The following MARK2 variants were observed in gnomAD, a reference collection of about 807,000 sequenced individuals.
MARK2 encodes the protein microtubule affinity regulating kinase 2.
In MARK2, 16 loss-of-function variants were observed where a neutral mutation model predicts 89.8. The observed-to-expected ratio is 0.18, with a 90% confidence interval of 0.12 to 0.27. The LOEUF (loss-of-function observed/expected upper bound fraction) is 0.27. MARK2 is among the 10% of genes least tolerant of loss of function. The pLI, the probability that MARK2 is intolerant of heterozygous loss-of-function variation, is 1.00. For missense variants in MARK2, 621 were observed against 1,049.9 expected (o/e 0.59, Z 5.65); for synonymous variants, 382 against 399.5 (o/e 0.96, Z 0.52).
chr11:63,894,869 A>G (rs961977602), intron 1 of MARK2, among the ~76,000 whole-genome samples: 6 of 152,020 alleles, frequency 3.9e-5, no homozygotes, highest in African/African-American at 1.4e-4. Context: ...GAACCAGACG[A>G]GCTGTTGTGT....
Position 63,878,439 on chromosome 11 carries a change from G to T in MARK2, c.55-16720G>T, listed in dbSNP as rs371547429. On this transcript the variant is annotated intron_variant, in intron 1 of 18. Coordinates refer to ENST00000402010, the MANE Select transcript of MARK2 (RefSeq NM_001039469.3). ...AGGCTGGAGTCAGTGGCACGATCTC[G>T]GCTCACTGCAAGCTCCGCCTCCTGG... Among the ~76,000 whole-genome samples, 18 of 141,598 alleles carry T rather than the reference G, an allele frequency of 1.3e-4. No homozygotes were observed. The South Asian group carries it at 3.5e-3, about 28-fold the overall frequency. 92.9% of individuals were successfully genotyped at this position (141,598 alleles called of 152,430 possible).
Position 63,839,471 on chromosome 11 carries a change from A to G in MARK2, c.-36A>G. On this transcript the variant is annotated 5_prime_UTR_variant, in exon 1 of 19. Transcript: ENST00000402010. ...CGCCTTCCCTTCCCTCCCTTCCTCCAAGCTTCTCGGTTCCCTCCCCCGAGA... is the reference window on the plus strand; with the variant it reads ...CGCCTTCCCTTCCCTCCCTTCCTCCGAGCTTCTCGGTTCCCTCCCCCGAGA... 1.4e-6 allele frequency: 2 copies of G among 1,413,252 alleles called. No homozygotes were observed. The highest frequency in any genetic ancestry group is 1.9e-6 in the Non-Finnish European group (2 of 1,034,768). 87.5% of individuals were successfully genotyped at this position (1,413,252 alleles called of 1,614,324 possible).
chr11:63,875,746 TTG>T (rs779521657), intron 1 of MARK2, among the ~76,000 whole-genome samples: 1 of 152,208 alleles, frequency 6.6e-6, no homozygotes, highest in Non-Finnish European at 1.5e-5. Flanking sequence ...ACCTGTTATG[TTG>T]TGTGAAGGAC....
intron 1 of MARK2, among the ~76,000 whole-genome samples, chr11:63,859,482 G>A (rs368718186): frequency 3.6e-4 from 54 of 151,870 alleles, no homozygotes; most frequent in African/African-American, 8.0e-4. Flanking sequence ...CAGTATACCC[G>A]GTTAATTTTT....
chr11:63,846,446 C>T (rs1305993511), intron 1 of MARK2, among the ~76,000 whole-genome samples: 2 of 151,544 alleles, frequency 1.3e-5, no homozygotes, highest in African/African-American at 4.9e-5. Flanking sequence ...ACCTCCGCCT[C>T]CCGGATTCAA....
intron 1 of MARK2, among the ~76,000 whole-genome samples, chr11:63,882,419 A>G (rs1211608861): frequency 1.3e-5 from 2 of 152,060 alleles, no homozygotes; most frequent in South Asian, 2.1e-4. Context: ...CCCTGTCTCT[A>G]CTAAAAATAC....
rs567900901 is a variant in MARK2 at position 63,889,380 on chromosome 11, CCTT to C, written c.55-5776_55-5774del. On this transcript the variant is annotated intron_variant, in intron 1 of 18. Transcript: ENST00000402010. ...GAATATCACCCCTCCTGGTTTGGCT[CCTT>C]CTCAGCCCTCGGGAAGCCAAAGGAC... 3.0e-3 allele frequency among the ~76,000 whole-genome samples: 450 copies of C among 152,354 alleles called. 3 individuals are homozygous for C. Among genetic ancestry groups the C allele is most frequent in the African/African-American group, 0.011 (442 of 41,582 alleles).
intron 1 of MARK2, among the ~76,000 whole-genome samples, chr11:63,892,766 A>AC (rs1487693331): frequency 7.5e-6 from 1 of 133,566 alleles, no homozygotes; most frequent in Non-Finnish European, 1.5e-5. Flanking sequence ...TCGCTCTATC[A>AC]CCCAGGCTGG....
intron 6 of MARK2, 56 bp downstream of exon 6, chr11:63,898,889 C>A: frequency 6.6e-7 from 1 of 1,506,088 alleles, no homozygotes; most frequent in Non-Finnish European, 9.2e-7. Flanking sequence ...TGGGGTTTGA[C>A]ATGTAAGGAT....
intron 1 of MARK2, among the ~76,000 whole-genome samples, chr11:63,876,814 G>A (rs1348638569): frequency 6.6e-6 from 1 of 152,192 alleles, no homozygotes; most frequent in Non-Finnish European, 1.5e-5. Context: ...TCCACAGTCT[G>A]TGTAGCAGCA....
chr11:63,876,943 G>GA (rs1938795122), intron 1 of MARK2, among the ~76,000 whole-genome samples: 1 of 152,054 alleles, frequency 6.6e-6, no homozygotes, highest in Non-Finnish European at 1.5e-5. Context: ...GCCATTCCCA[G>GA]GTTCATACCA....
chr11:63,892,189 A>G (rs960631005), intron 1 of MARK2, among the ~76,000 whole-genome samples: 2 of 152,156 alleles, frequency 1.3e-5, no homozygotes, highest in Non-Finnish European at 2.9e-5. Flanking sequence ...CTGGGATGTG[A>G]GGAGCCTCCC....
At chr11:63,866,351 C>CAAA (rs57664174) in intron 1 of MARK2, among the ~76,000 whole-genome samples, 6 of 86,078 alleles carry the variant, frequency 7.0e-5, no homozygotes, top group African/African-American at 1.4e-4. Context: ...GACTCAGTCT[C>CAAA]AAAAAAAAAA....
chr11:63,906,035 GTT>G lies in MARK2; in HGVS notation c.1935-44_1935-43del. ...TGCTTATCCACATACCGTCTTGTTGGTTTTTTTTTTATTTCTTTTTTTATTTT... is the reference window on the plus strand; with the variant it reads ...TGCTTATCCACATACCGTCTTGTTGGTTTTTTTTATTTCTTTTTTTATTTT... On this transcript the variant is annotated intron_variant, in intron 16 of 18. Transcript: ENST00000402010. 14 of 1,214,736 alleles carry G rather than the reference GTT, an allele frequency of 1.2e-5. No individual in the cohort carries two copies. The South Asian group carries it at 1.4e-4, about 12-fold the overall frequency. The allele number at this position is 1,214,736 out of a possible 1,614,324, so 75.2% of individuals were successfully genotyped here.
intron 1 of MARK2, among the ~76,000 whole-genome samples, chr11:63,872,141 C>T (rs1174527489): frequency 6.6e-6 from 1 of 152,194 alleles, no homozygotes; most frequent in African/African-American, 2.4e-5. Context: ...GGCCATTCCT[C>T]CGGCCACTCC....
At chr11:63,896,802 C>T (rs1192878671) in intron 3 of MARK2, among the ~76,000 whole-genome samples, 1 of 152,148 alleles carries the variant, frequency 6.6e-6, no homozygotes, top group Non-Finnish European at 1.5e-5. Context: ...GACATCCTGG[C>T]TCCAGCCCCA....
At chr11:63,843,043 TG>T (rs1021953530) in intron 1 of MARK2, among the ~76,000 whole-genome samples, 4 of 151,752 alleles carry the variant, frequency 2.6e-5, no homozygotes, top group Admixed American at 1.3e-4. Flanking sequence ...GTCTTTAAGA[TG>T]GTTTTTGTGA....
At chr11:63,858,535 G>A (rs534109029) in intron 1 of MARK2, among the ~76,000 whole-genome samples, 3 of 151,812 alleles carry the variant, frequency 2.0e-5, no homozygotes, top group Non-Finnish European at 4.4e-5. Flanking sequence ...TGTACTTTTA[G>A]TAGAGATAGG....
rs1940289895 is a variant in MARK2, at chr11:63,895,399, G to A, written c.234+61G>A. 4 of 1,550,210 alleles carry A rather than the reference G, an allele frequency of 2.6e-6. No individual in the cohort carries two copies. The South Asian group carries it at 4.6e-5, about 18-fold the overall frequency. On this transcript the variant is annotated intron_variant, in intron 2 of 18. Coordinates refer to ENST00000402010, the MANE Select transcript of MARK2 (RefSeq NM_001039469.3). Reference sequence around the variant, plus strand: ...CAGCCCTGTTGACACTCCAGCAGGTGGTGATGGGACTACTACTGCAGCCAA... The same window carrying A: ...CAGCCCTGTTGACACTCCAGCAGGTAGTGATGGGACTACTACTGCAGCCAA...
Sources: allele counts gnomAD v4.1 joint callset (sites outside exome capture counted in the v4.1 genomes callset), GRCh38; gene constraint gnomAD v4.1.1; transcripts MANE v1.5; gene names NCBI Gene and HGNC (gene_info 2026-07-23, HGNC 2026-07-21).